The following CTNNA2 variants were observed in gnomAD, a reference collection of about 807,000 sequenced individuals.
CTNNA2 encodes catenin alpha-2.
In CTNNA2, 42 loss-of-function variants were observed where a neutral mutation model predicts 101.0. The ratio of observed to expected loss-of-function variants is 0.42; its 90% CI spans 0.32 to 0.54. The LOEUF is 0.54. Ranked by LOEUF, CTNNA2 falls within the 20% of genes least tolerant of loss-of-function variation. The pLI is 0.14. For missense variants in CTNNA2, 871 were observed against 1,223.1 expected, an observed-to-expected ratio of 0.71 and a Z score of 4.29; for synonymous variants, 450 against 456.4, an observed-to-expected ratio of 0.99 and a Z score of 0.18.
chr2:79,258,357 T>C (rs1674875425), intron 2 of CTNNA2, among the ~76,000 whole-genome samples: 2 of 152,212 alleles, frequency 1.3e-5, no homozygotes, highest in Admixed American at 1.3e-4. Flanking sequence ...CCTCAAGTTA[T>C]GTGAACCTGC....
At chr2:80,228,351 G>T (rs1177278188) in intron 7 of CTNNA2, among the ~76,000 whole-genome samples, 1 of 152,124 alleles carries the variant, frequency 6.6e-6, no homozygotes, top group Admixed American at 6.5e-5. Flanking sequence ...TTTTCATATG[G>T]TGGAAGGAGT....
chr2:79,206,919 G>A (rs780991645), intron 2 of CTNNA2, among the ~76,000 whole-genome samples: 7 of 152,180 alleles, frequency 4.6e-5, no homozygotes, highest in Non-Finnish European at 1.0e-4. Context: ...TACTTGATCA[G>A]TTACTGTGTA....
chr2:80,515,998 T>C (rs1452866827), intron 9 of CTNNA2, among the ~76,000 whole-genome samples: 1 of 152,234 alleles, frequency 6.6e-6, no homozygotes, highest in African/African-American at 2.4e-5. Context: ...CTATTCTGTC[T>C]CTTCTCTCTC....
At chr2:79,997,231 A>C (rs1305628726) in intron 7 of CTNNA2, among the ~76,000 whole-genome samples, 1 of 151,962 alleles carries the variant, frequency 6.6e-6, no homozygotes, top group Non-Finnish European at 1.5e-5. Context: ...TTCTAGCTGC[A>C]CTATTTAGTA....
At chr2:79,702,905 C>T (rs987510622) in intron 2 of CTNNA2, among the ~76,000 whole-genome samples, 5 of 152,110 alleles carry the variant, frequency 3.3e-5, no homozygotes, top group African/African-American at 1.2e-4. Flanking sequence ...ACTTCTGGGT[C>T]CTAAAGATGT....
chr2:80,438,502 T>A (rs1216833076), intron 9 of CTNNA2, among the ~76,000 whole-genome samples: 1 of 152,176 alleles, frequency 6.6e-6, no homozygotes, highest in African/African-American at 2.4e-5. Context: ...TTACATTTAA[T>A]TTTTACTCAT....
At chr2:79,545,888 G>A (rs938685282) in intron 1 of CTNNA2, among the ~76,000 whole-genome samples, 1 of 152,028 alleles carries the variant, frequency 6.6e-6, no homozygotes, top group Non-Finnish European at 1.5e-5. Context: ...TATGTGTCAG[G>A]CACTATTCTA....
intron 7 of CTNNA2, among the ~76,000 whole-genome samples, chr2:80,289,577 G>C (rs1316179298): frequency 6.6e-6 from 1 of 152,154 alleles, no homozygotes; most frequent in Admixed American, 6.5e-5. Flanking sequence ...TGGTGATGGG[G>C]CAGGAGTGGG....
At chr2:79,482,933 A>T (rs1455266396) in intron 4 of CTNNA2, among the ~76,000 whole-genome samples, 2 of 152,226 alleles carry the variant, frequency 1.3e-5, no homozygotes, top group African/African-American at 4.8e-5. Flanking sequence ...TAAAAGTCAT[A>T]CAATACATAG....
intron 12 of CTNNA2, among the ~76,000 whole-genome samples, chr2:80,564,305 G>A (rs548117120): frequency 3.3e-5 from 5 of 152,180 alleles, no homozygotes; most frequent in South Asian, 2.1e-4. Context: ...TACTTTATTC[G>A]TTCCTTAAGT....
chr2:79,279,750 G>A (rs1675312620), intron 2 of CTNNA2, among the ~76,000 whole-genome samples: 2 of 152,056 alleles, frequency 1.3e-5, no homozygotes, highest in South Asian at 4.1e-4. Context: ...CAGCTCATAT[G>A]CAATTCCTCT....
intron 9 of CTNNA2, among the ~76,000 whole-genome samples, chr2:80,433,359 A>G (rs1222955282): frequency 3.9e-5 from 6 of 152,040 alleles, no homozygotes; most frequent in Non-Finnish European, 7.4e-5. Flanking sequence ...TGGAGGGTGA[A>G]TCATACCCCT....
At chr2:80,504,531 G>A (rs763747666) in intron 9 of CTNNA2, among the ~76,000 whole-genome samples, 21 of 152,116 alleles carry the variant, frequency 1.4e-4, no homozygotes, top group Non-Finnish European at 1.9e-4. Flanking sequence ...ACCAGAGTGC[G>A]GGAACCTTGG....
At chr2:80,175,591 T>C (rs985555592) in intron 7 of CTNNA2, among the ~76,000 whole-genome samples, 1 of 152,188 alleles carries the variant, frequency 6.6e-6, no homozygotes, top group African/African-American at 2.4e-5. Flanking sequence ...TGCTCTCTCA[T>C]GTTGTATTAG....
intron 1 of CTNNA2, among the ~76,000 whole-genome samples, chr2:79,622,350 C>A (rs1393806728): frequency 6.6e-6 from 1 of 152,054 alleles, no homozygotes; most frequent in Non-Finnish European, 1.5e-5. Context: ...TCCTTTTAAG[C>A]TGGATGCGTT....
At chr2:80,490,285 C>CCCCA (rs1553535563) in intron 9 of CTNNA2, among the ~76,000 whole-genome samples, 3 of 83,168 alleles carry the variant, frequency 3.6e-5, no homozygotes, top group African/African-American at 1.5e-4. Flanking sequence ...CCCCCACCCC[C>CCCCA]CCCCCGGTAA....
At chr2:79,459,121 A>G (rs979502593) in intron 4 of CTNNA2, among the ~76,000 whole-genome samples, 10 of 152,276 alleles carry the variant, frequency 6.6e-5, no homozygotes, top group African/African-American at 2.4e-4. Flanking sequence ...CACTGATTCT[A>G]TTCTAAGCAA....
At chr2:79,267,058 G>A (rs905958428) in intron 2 of CTNNA2, among the ~76,000 whole-genome samples, 25 of 152,038 alleles carry the variant, frequency 1.6e-4, no homozygotes, top group Non-Finnish European at 2.8e-4. Context: ...GATGGAAAGC[G>A]GGGCAGGGGT....
intron 3 of CTNNA2, among the ~76,000 whole-genome samples, chr2:79,320,333 A>C (rs1472320155): frequency 2.1e-5 from 3 of 143,348 alleles, no homozygotes; most frequent in Admixed American, 7.5e-5. Flanking sequence ...AGGACTTGTG[A>C]CAGGGGTTCC....
Sources: gnomAD v4.1 joint callset for allele counts (sites outside exome capture counted in the v4.1 genomes callset) on GRCh38, gnomAD v4.1.1 for gene constraint, MANE v1.5 for transcripts, NCBI Gene and HGNC (gene_info 2026-07-23, HGNC 2026-07-21) for gene names.